LACTB: variants seen among roughly 807,000 people sequenced by gnomAD.
LACTB encodes the protein serine beta-lactamase-like protein LACTB, mitochondrial.
Under a neutral mutation model 50.2 loss-of-function variants are expected in LACTB, and 35 were observed. The observed-to-expected ratio is 0.70, with a 90% CI of 0.53 to 0.92. The LOEUF is 0.92. LACTB is among the 40% of genes least tolerant of loss of function. The pLI, the probability that LACTB is intolerant of heterozygous loss-of-function variation, is 0.00. For synonymous variants in LACTB, 252 were observed against 268.2 expected (o/e 0.94, Z 0.59); for missense variants, 664 against 691.8 (o/e 0.96, Z 0.45).
chr15:63,134,167 T>C (rs1326666303), intron 5 of LACTB, among the ~76,000 whole-genome samples: 1 of 152,220 alleles, frequency 6.6e-6, no homozygotes, highest in Non-Finnish European at 1.5e-5. Context: ...TAGGTTTGTA[T>C]GTCCAATTAT....
Position 63,121,986 on chromosome 15 carries a change from G to C in LACTB, c.115G>C (p.Gly39Arg). The C allele has an allele frequency of 7.3e-7, 1 of 1,368,964 alleles. No individual in the cohort carries two copies. The highest frequency in any genetic ancestry group is 3.7e-5 in the Admixed American group (1 of 26,832). The allele number at this position is 1,368,964 out of a possible 1,614,324, so 84.8% of individuals were successfully genotyped here. A position where few individuals can be genotyped will look rare whatever the true frequency, so the allele number is the denominator to read the frequency against. The change falls in exon 1 of 6, where the codon GGC becomes CGC. Residue 39 changes from glycine to arginine, a missense_variant. Transcript: ENST00000261893. ...QRAGLPPLGH[G>R]WVGGLGLGLG... ...CGCCGGGCTGCCGCCTCTCGGCCAC[G>C]GCTGGGTCGGGGGCCTCGGGCTGGG...
intron 5 of LACTB, among the ~76,000 whole-genome samples, chr15:63,138,661 A>T (rs2037197061): frequency 6.6e-6 from 1 of 152,194 alleles, no homozygotes; most frequent in African/African-American, 2.4e-5. Context: ...AGAAGTCTCC[A>T]TATTTTTATA....
rs2652790 is a variant in LACTB at position 63,122,614 on chromosome 15, G to T, written c.358-22G>T. On this transcript the variant is annotated intron_variant, in intron 1 of 5. Coordinates refer to ENST00000261893, the MANE Select transcript of LACTB (RefSeq NM_032857.5). ...TTTTTCAGCAGGCCCGTAACTGTCG[G>T]TTCTTTCCCCTTCGGTCTTAGGATG... is the stretch of plus-strand genomic sequence containing the variant. 3.5e-3 allele frequency: 5,592 copies of T among 1,600,798 alleles called. 151 individuals carry two copies. The African/African-American group carries it at 0.059, about 17-fold the overall frequency.
intron 5 of LACTB, among the ~76,000 whole-genome samples, chr15:63,134,178 T>C (rs1007922034): frequency 2.0e-5 from 3 of 152,194 alleles, no homozygotes; most frequent in African/African-American, 7.2e-5. Flanking sequence ...GTCCAATTAT[T>C]GAGTTGGAAA....
chr15:63,122,603 C>T (rs573053364), intron 1 of LACTB, 33 bp from the exon 2 acceptor site: 2 of 1,561,332 alleles, frequency 1.3e-6, no homozygotes, highest in South Asian at 1.1e-5. Context: ...TCAGCAGGCC[C>T]GTAACTGTCG....
At position 63,127,414 on chromosome 15, in the gene LACTB, A is replaced by T; in HGVS notation, c.677A>T (p.Asp226Val). Reference protein sequence around the residue: ...HLSGIRHYEKDIKKVKEEKAY... With the variant: ...HLSGIRHYEKVIKKVKEEKAY... Reference sequence around the variant, plus strand: ...AGTGGAATTCGTCATTATGAAAAGGACATAAAAAAGGTGAAAGAAGAGAAA... The same window carrying T: ...AGTGGAATTCGTCATTATGAAAAGGTCATAAAAAAGGTGAAAGAAGAGAAA... The change falls in exon 4 of 6, where the codon GAC becomes GTC. Residue 226 changes from aspartate (D) to valine (V), a missense_variant. Physicochemically the swap from Asp to Val is radical, Grantham distance 152 (BLOSUM62 -3). Transcript: ENST00000261893. 6.3e-7 allele frequency: 1 copy of T among 1,599,110 alleles called. No homozygotes were observed. Among genetic ancestry groups the T allele is most frequent in the Non-Finnish European group, 8.5e-7 (1 of 1,175,890 alleles).
chr15:63,129,640 A>G lies in LACTB; in HGVS notation c.1108A>G (p.Asn370Asp). The G allele has an allele frequency of 6.2e-7, 1 of 1,604,480 alleles. No homozygotes were observed. The highest frequency in any genetic ancestry group is 8.5e-7 in the Non-Finnish European group (1 of 1,175,802). The change falls in exon 5 of 6, where the codon AAT becomes GAT. Residue 370 changes from asparagine (N) to aspartate (D), a missense_variant. Coordinates refer to ENST00000261893, the MANE Select transcript of LACTB (RefSeq NM_032857.5). ...VQEENEPVIYNRARFYVYNKK... is the reference protein window; with the variant it reads ...VQEENEPVIYDRARFYVYNKK... ...GGAAGAAAACGAGCCAGTGATTTACAATAGAGCAAGGTAAATGAATACCTT... is the reference window on the plus strand; with the variant it reads ...GGAAGAAAACGAGCCAGTGATTTACGATAGAGCAAGGTAAATGAATACCTT...
At chr15:63,127,970 A>T (rs1317112575) in intron 4 of LACTB, among the ~76,000 whole-genome samples, 2 of 152,230 alleles carry the variant, frequency 1.3e-5, no homozygotes, top group African/African-American at 4.8e-5. Flanking sequence ...ATAGTTCTCT[A>T]AATACAACCT....
At chr15:63,127,163 A>T in intron 3 of LACTB, 114 bp downstream of exon 3, 2 of 985,138 alleles carry the variant, frequency 2.0e-6, no homozygotes, top group Non-Finnish European at 2.9e-6. Context: ...TTGTTAATGT[A>T]TTAGTTTTTC....
intron 2 of LACTB, among the ~76,000 whole-genome samples, chr15:63,125,580 TA>T (rs2037041977): frequency 6.6e-6 from 1 of 152,206 alleles, no homozygotes; most frequent in Non-Finnish European, 1.5e-5. Flanking sequence ...ATGTCAGCTT[TA>T]TGGACTTTAT....
intron 1 of LACTB, 142 bp from the exon 2 acceptor site, chr15:63,122,494 T>G: frequency 3.9e-6 from 3 of 776,304 alleles, no homozygotes; most frequent in East Asian, 2.6e-5. Flanking sequence ...TGAGTGACCA[T>G]GGCCTGGGAC....
At position 63,131,899 on chromosome 15, in the gene LACTB, C is replaced by T. The variant is rs142045071; in HGVS notation, c.1118+2249C>T. 2.3e-3 allele frequency among the ~76,000 whole-genome samples: 349 copies of T among 151,726 alleles called. 4 individuals carry two copies. Among genetic ancestry groups the T allele is most frequent in the East Asian group, 0.01 (52 of 5,166 alleles). ...GGTGGAGGTTGTAGTGAGCTGAGGT[C>T]GCCCCACTACACTCTAGTCTGAGTA... On this transcript the variant is annotated intron_variant, in intron 5 of 5. Transcript: ENST00000261893.
intron 2 of LACTB, among the ~76,000 whole-genome samples, chr15:63,123,195 G>C (rs957919545): frequency 1.3e-5 from 2 of 152,156 alleles, no homozygotes; most frequent in Non-Finnish European, 2.9e-5. Context: ...TTTATTTCTG[G>C]AATTTTCCAT....
At chr15:63,126,017 C>G (rs890259664) in intron 2 of LACTB, 8 of 152,068 alleles carry the variant, frequency 5.3e-5, no homozygotes, top group African/African-American at 1.9e-4. Flanking sequence ...TACGCACTTT[C>G]AGCCTGTGAG....
In LACTB at chr15:63,141,991, G is replaced by A; in HGVS notation, c.*186G>A. 1 of 527,286 alleles carries A rather than the reference G, an allele frequency of 1.9e-6. No individual in the cohort carries two copies. 32.7% of individuals were successfully genotyped at this position (527,286 alleles called of 1,614,324 possible). On this transcript the variant is annotated 3_prime_UTR_variant, in exon 6 of 6. Coordinates refer to ENST00000261893, the MANE Select transcript of LACTB (RefSeq NM_032857.5). ...TGTAGAATTGGTTCTTTATACTCAG[G>A]GAAGTAATTATATTGTTTTTACTTT... is the stretch of plus-strand genomic sequence containing the variant.
At position 63,122,073 on chromosome 15, in the gene LACTB, T is replaced by G; in HGVS notation, c.202T>G (p.Ser68Ala). ...GCTGAGGGGCGCGGCCCCGGCGCAG[T>G]CCCCCGCGGCCCCCGACCCTGAGGC... ...GGLRGAAPAQSPAAPDPEASP... is the reference protein window; with the variant it reads ...GGLRGAAPAQAPAAPDPEASP... The change falls in exon 1 of 6, where the codon TCC (serine) becomes GCC (alanine). Residue 68 changes from serine (S) to alanine (A), a missense_variant. Coordinates refer to ENST00000261893, the MANE Select transcript of LACTB (RefSeq NM_032857.5). The G allele has an allele frequency of 2.1e-6, 3 of 1,443,704 alleles. No homozygotes were observed. Among genetic ancestry groups the G allele is most frequent in the African/African-American group, 1.5e-5 (1 of 67,328 alleles). 89.4% of individuals were successfully genotyped at this position (1,443,704 alleles called of 1,614,324 possible).
chr15:63,141,184 T>C, intron 5 of LACTB, 96 bp from the exon 6 acceptor site: 1 of 1,457,162 alleles, frequency 6.9e-7, no homozygotes, highest in East Asian at 2.5e-5. Context: ...ATCATTACAT[T>C]GAAATACAAT....
chr15:63,126,796 G>A (rs1209727284), intron 2 of LACTB, 63 bp from the exon 3 acceptor site: 2 of 993,728 alleles, frequency 2.0e-6, no homozygotes, highest in East Asian at 2.6e-5. Flanking sequence ...TTATTTCAGG[G>A]TTTGAAAACT....
chr15:63,141,450 T>C lies in LACTB; in HGVS notation c.1289T>C (p.Leu430Pro). Residue 430 changes from leucine (L) to proline (P), a missense_variant, in exon 6 of 6, where the codon CTT (leucine) becomes CCT (proline). Physicochemically the swap from Leu to Pro is moderately conservative, Grantham distance 98 (BLOSUM62 -3). Coordinates refer to ENST00000261893, the MANE Select transcript of LACTB (RefSeq NM_032857.5). ...VGLFKNSNENLLPGYLKPETM... is the reference protein window; with the variant it reads ...VGLFKNSNENPLPGYLKPETM... The stretch of plus-strand genomic sequence containing the variant: ...CTGTTTAAGAACTCAAATGAAAATC[T>C]TTTACCTGGATACCTCAAACCAGAA... 2 of 1,614,212 alleles carry C rather than the reference T, an allele frequency of 1.2e-6. No homozygotes were observed. The highest frequency in any genetic ancestry group is 1.7e-6 in the Non-Finnish European group (2 of 1,180,028).
Sources: gnomAD v4.1 joint callset for allele counts (sites outside exome capture counted in the v4.1 genomes callset) on GRCh38, gnomAD v4.1.1 for gene constraint, MANE v1.5 for transcripts, NCBI Gene and HGNC (gene_info 2026-07-23, HGNC 2026-07-21) for gene names.